The following TBC1D22A variants were observed in gnomAD, a reference collection of about 807,000 sequenced individuals.
TBC1D22A encodes putative GTPase activator.
TBC1D22A carries 38 observed loss-of-function variants against 60.2 expected under a neutral mutation model. That is an observed-to-expected ratio of 0.63 (90% CI 0.49 to 0.83). The LOEUF is 0.83. TBC1D22A is among the 40% of genes least tolerant of loss of function. The probability of loss-of-function intolerance (pLI) is 0.00; values close to 1 mark genes in which losing one functional copy is unlikely to be tolerated. For missense variants in TBC1D22A, 628 were observed against 701.0 expected, an observed-to-expected ratio of 0.90 and a Z score of 1.18; for synonymous variants, 302 against 281.7, an observed-to-expected ratio of 1.07 and a Z score of -0.72.
At chr22:47,130,189 C>G (rs1408573167) in intron 12 of TBC1D22A, among the ~76,000 whole-genome samples, 3 of 152,206 alleles carry the variant, frequency 2.0e-5, no homozygotes, top group African/African-American at 7.2e-5. Context: ...GTGAACCACC[C>G]ACTCCCTCCC....
At chr22:47,145,615 G>A (rs1391120381) in intron 12 of TBC1D22A, among the ~76,000 whole-genome samples, 1 of 152,220 alleles carries the variant, frequency 6.6e-6, no homozygotes, top group Non-Finnish European at 1.5e-5. Context: ...AGGCATGCTA[G>A]GCAGTTCGTT....
chr22:47,050,968 C>T (rs995577229), intron 11 of TBC1D22A, among the ~76,000 whole-genome samples: 3 of 152,244 alleles, frequency 2.0e-5, no homozygotes, highest in Admixed American at 6.5e-5. Context: ...CGGGGGCAGT[C>T]GCGGGGACCT....
intron 4 of TBC1D22A, among the ~76,000 whole-genome samples, chr22:46,821,050 C>G (rs1442276573): frequency 7.1e-6 from 1 of 140,484 alleles, no homozygotes; most frequent in Non-Finnish European, 1.5e-5. Flanking sequence ...ATTGCAACCC[C>G]TGCTTTTTTT....
At position 47,061,952 on chromosome 22, in the gene TBC1D22A, G is replaced by A. The variant is rs371065204; in HGVS notation, c.1329+24754G>A. On this transcript the variant is annotated intron_variant, in intron 11 of 12. Coordinates refer to ENST00000337137, the MANE Select transcript of TBC1D22A (RefSeq NM_014346.5). ...AAAATACAAACGTTAGCCAGGCGTG[G>A]TGGTGCATGCCAGTGATCCCAGCTA... 1.4e-4 allele frequency among the ~76,000 whole-genome samples: 22 copies of A among 152,126 alleles called. No individual in the cohort carries two copies. The East Asian group carries it at 2.3e-3, about 16-fold the overall frequency.
intron 9 of TBC1D22A, among the ~76,000 whole-genome samples, chr22:46,993,677 C>T (rs1036258454): frequency 2.0e-5 from 3 of 152,204 alleles, no homozygotes; most frequent in Admixed American, 1.3e-4. Context: ...CTTGGTGCAG[C>T]CTGCGGGCAG....
intron 8 of TBC1D22A, among the ~76,000 whole-genome samples, chr22:46,935,864 C>A (rs915127685): frequency 6.6e-6 from 1 of 151,524 alleles, no homozygotes; most frequent in African/African-American, 2.4e-5. Flanking sequence ...CCCCGTGTCT[C>A]TGTAGCCTTT....
chr22:46,855,255 A>G (rs1001334850), intron 4 of TBC1D22A, among the ~76,000 whole-genome samples: 1 of 152,186 alleles, frequency 6.6e-6, no homozygotes, highest in Non-Finnish European at 1.5e-5. Context: ...CCCCTTACCT[A>G]TACATAATAC....
At chr22:46,965,903 G>C (rs1279829580) in intron 8 of TBC1D22A, among the ~76,000 whole-genome samples, 1 of 152,190 alleles carries the variant, frequency 6.6e-6, no homozygotes, top group Non-Finnish European at 1.5e-5. Flanking sequence ...CCACCCGCCT[G>C]TGCCCACCTC....
At chr22:47,146,021 C>CAGG (rs1188986355) in intron 12 of TBC1D22A, among the ~76,000 whole-genome samples, 4 of 146,812 alleles carry the variant, frequency 2.7e-5, no homozygotes, top group Non-Finnish European at 6.0e-5. Flanking sequence ...AGGGGTTGAC[C>CAGG]AGGAGGCCAT....
At chr22:47,110,277 C>T (rs376447638) in intron 11 of TBC1D22A, among the ~76,000 whole-genome samples, 11 of 152,134 alleles carry the variant, frequency 7.2e-5, no homozygotes, top group Admixed American at 2.0e-4. Context: ...GTCAGGAGTT[C>T]GAGACCAGCC....
At chr22:46,829,898 A>G (rs1186305372) in intron 4 of TBC1D22A, among the ~76,000 whole-genome samples, 1 of 152,202 alleles carries the variant, frequency 6.6e-6, no homozygotes, top group African/African-American at 2.4e-5. Flanking sequence ...TGGAGGTCGT[A>G]AAGAAAAAAA....
intron 9 of TBC1D22A, among the ~76,000 whole-genome samples, chr22:46,979,516 G>A (rs926372821): frequency 2.0e-5 from 3 of 152,204 alleles, no homozygotes; most frequent in African/African-American, 7.2e-5. Flanking sequence ...CCTTGACGAC[G>A]CTTCTGTTTC....
chr22:47,039,177 T>C (rs1044343950), intron 11 of TBC1D22A, among the ~76,000 whole-genome samples: 1 of 152,198 alleles, frequency 6.6e-6, no homozygotes, highest in Non-Finnish European at 1.5e-5. Flanking sequence ...TTAAGCACAA[T>C]TGTGGCATCT....
At chr22:46,962,477 T>C (rs1174760367) in intron 8 of TBC1D22A, among the ~76,000 whole-genome samples, 1 of 152,240 alleles carries the variant, frequency 6.6e-6, no homozygotes, top group Non-Finnish European at 1.5e-5. Flanking sequence ...TTCTGCTCTT[T>C]CACCTGCCAA....
At chr22:46,978,612 G>T (rs997913194) in intron 9 of TBC1D22A, among the ~76,000 whole-genome samples, 4 of 151,966 alleles carry the variant, frequency 2.6e-5, no homozygotes, top group African/African-American at 7.2e-5. Flanking sequence ...CGTGTTTTTT[G>T]TTTGTTTGTT....
chr22:46,881,515 G>A (rs1056596529), intron 5 of TBC1D22A, among the ~76,000 whole-genome samples: 17 of 152,194 alleles, frequency 1.1e-4, no homozygotes, highest in East Asian at 1.9e-4. Flanking sequence ...AGTGCTTGCC[G>A]TGCGTCAGAC....
chr22:47,109,951 C>T (rs971640682), intron 11 of TBC1D22A, among the ~76,000 whole-genome samples: 1 of 152,128 alleles, frequency 6.6e-6, no homozygotes, highest in Non-Finnish European at 1.5e-5. Flanking sequence ...TGCCATGTGC[C>T]ATCCATTCTC....
intron 1 of TBC1D22A, among the ~76,000 whole-genome samples, chr22:46,776,399 G>GT (rs34784482): frequency 0.5 from 76,537 of 151,726 alleles, 19,793 homozygotes; most frequent in Middle Eastern, 0.67. Context: ...TTGTGGCTGT[G>GT]TGGTGGGGTG....
chr22:46,961,743 C>T (rs1437368916), intron 8 of TBC1D22A, among the ~76,000 whole-genome samples: 1 of 152,198 alleles, frequency 6.6e-6, no homozygotes, highest in Non-Finnish European at 1.5e-5. Context: ...ACGGATGGCT[C>T]TGTCAGGGTT....
Sources: gnomAD v4.1 joint callset for allele counts (sites outside exome capture counted in the v4.1 genomes callset) on GRCh38, gnomAD v4.1.1 for gene constraint, MANE v1.5 for transcripts, NCBI Gene and HGNC (gene_info 2026-07-23, HGNC 2026-07-21) for gene names.